Variants in XKR4 observed in about 807,000 individuals in gnomAD.
The protein encoded by XKR4 is XK related 4.
Under a neutral mutation model 53.9 loss-of-function variants are expected in XKR4, and 12 were observed. The observed-to-expected ratio is 0.22, with a 90% confidence interval of 0.14 to 0.36. The LOEUF is 0.36. Among genes scored for constraint, XKR4 ranks in the 10% least tolerant of loss-of-function variants. XKR4 has a pLI of 1.00. For synonymous variants in XKR4, 354 were observed against 362.4 expected (o/e 0.98, Z 0.26); for missense variants, 799 against 859.5 (o/e 0.93, Z 0.88).
At chr8:55,364,381 G>T (rs910903116) in intron 2 of XKR4, among the ~76,000 whole-genome samples, 2 of 152,156 alleles carry the variant, frequency 1.3e-5, no homozygotes, top group Non-Finnish European at 1.5e-5. Flanking sequence ...AGACTCCTAC[G>T]GGATGAGCCC....
chr8:55,387,772 G>T lies in XKR4; in HGVS notation c.1006+29895G>T, dbSNP rs116557441. Among the ~76,000 whole-genome samples, 264 of 152,304 alleles carry T rather than the reference G, an allele frequency of 1.7e-3. 2 individuals are homozygous for T. The highest frequency in any genetic ancestry group is 6.2e-3 in the African/African-American group (257 of 41,576). On this transcript the variant is annotated intron_variant, in intron 2 of 2. Coordinates refer to ENST00000327381, the MANE Select transcript of XKR4 (RefSeq NM_052898.2). ...ACCCACATGCAACCCAAAACTGGGA[G>T]TAATGAGACAGGCCAATAGCCTGTC...
At chr8:55,220,889 A>G (rs1224636943) in intron 1 of XKR4, among the ~76,000 whole-genome samples, 1 of 152,248 alleles carries the variant, frequency 6.6e-6, no homozygotes, top group Non-Finnish European at 1.5e-5. Flanking sequence ...GATTAAATCT[A>G]AAGTACTTAA....
At chr8:55,116,462 G>T (rs1385847458) in intron 1 of XKR4, among the ~76,000 whole-genome samples, 2 of 152,158 alleles carry the variant, frequency 1.3e-5, no homozygotes, top group African/African-American at 4.8e-5. Flanking sequence ...AAATAGGATG[G>T]CTCAGTTTGA....
At chr8:55,205,807 G>A (rs555428948) in intron 1 of XKR4, among the ~76,000 whole-genome samples, 65 of 152,256 alleles carry the variant, frequency 4.3e-4, no homozygotes, top group Admixed American at 1.2e-3. Context: ...GGTTCCCTCC[G>A]GTGGGTTCTT....
At position 55,499,130 on chromosome 8, in the gene XKR4, G is replaced by A. The variant is rs1008017472; in HGVS notation, c.1007-24151G>A. Among the ~76,000 whole-genome samples the A allele has an allele frequency of 6.6e-5, 10 of 152,230 alleles. No homozygotes were observed. The East Asian group carries it at 1.2e-3, about 18-fold the overall frequency. On this transcript the variant is annotated intron_variant, in intron 2 of 2. Transcript: ENST00000327381. ...ATCTTCAGAATCCAGAAAGAATGTCGACTGACTTCTAGATAGTAATCTTAT... is the reference window on the plus strand; with the variant it reads ...ATCTTCAGAATCCAGAAAGAATGTCAACTGACTTCTAGATAGTAATCTTAT...
At chr8:55,343,313 C>A (rs886948127) in intron 1 of XKR4, among the ~76,000 whole-genome samples, 2 of 152,158 alleles carry the variant, frequency 1.3e-5, no homozygotes, top group Non-Finnish European at 2.9e-5. Flanking sequence ...ATGGTGAAAG[C>A]TTTTCGCCCT....
At chr8:55,326,302 A>G (rs933827325) in intron 1 of XKR4, among the ~76,000 whole-genome samples, 1 of 152,182 alleles carries the variant, frequency 6.6e-6, no homozygotes, top group African/African-American at 2.4e-5. Context: ...AGTGCTTGAC[A>G]TAAATTCTAG....
At chr8:55,247,826 A>T (rs968564803) in intron 1 of XKR4, among the ~76,000 whole-genome samples, 4 of 97,070 alleles carry the variant, frequency 4.1e-5, no homozygotes, top group Non-Finnish European at 1.1e-4. Flanking sequence ...TATTAATTTT[A>T]ATTTTTCTTT....
At chr8:55,250,585 C>T (rs1340795586) in intron 1 of XKR4, among the ~76,000 whole-genome samples, 2 of 152,134 alleles carry the variant, frequency 1.3e-5, no homozygotes, top group Non-Finnish European at 2.9e-5. Flanking sequence ...TTCAGCTCAT[C>T]CTGTACATCC....
intron 1 of XKR4, among the ~76,000 whole-genome samples, chr8:55,242,018 T>A (rs1278695679): frequency 6.6e-6 from 1 of 152,220 alleles, no homozygotes; most frequent in Non-Finnish European, 1.5e-5. Context: ...TCTTGAAATG[T>A]AAATAATTTT....
At chr8:55,205,112 T>C (rs116119394) in intron 1 of XKR4, among the ~76,000 whole-genome samples, 1,730 of 152,318 alleles carry the variant, frequency 0.011, 22 homozygotes, top group Middle Eastern at 0.051. Context: ...AAACACCCAT[T>C]TGATTTTGTG....
intron 2 of XKR4, among the ~76,000 whole-genome samples, chr8:55,424,895 T>C (rs962533161): frequency 3.9e-5 from 6 of 152,230 alleles, no homozygotes; most frequent in Non-Finnish European, 8.8e-5. Context: ...CATTTTCCCC[T>C]TGGCCTCTGG....
At chr8:55,129,748 A>C (rs1026288596) in intron 1 of XKR4, among the ~76,000 whole-genome samples, 1 of 152,096 alleles carries the variant, frequency 6.6e-6, no homozygotes, top group East Asian at 1.9e-4. Flanking sequence ...AACATGTTTG[A>C]ATATAGTTGA....
At chr8:55,472,651 G>A (rs1157895144) in intron 2 of XKR4, among the ~76,000 whole-genome samples, 1 of 152,036 alleles carries the variant, frequency 6.6e-6, no homozygotes, top group East Asian at 1.9e-4. Context: ...TAGACAAGGT[G>A]ATGCGCACTG....
At chr8:55,196,149 C>T (rs1013481988) in intron 1 of XKR4, among the ~76,000 whole-genome samples, 1 of 150,836 alleles carries the variant, frequency 6.6e-6, no homozygotes, top group Non-Finnish European at 1.5e-5. Context: ...GCAAATCCCA[C>T]AGGAACATGT....
intron 1 of XKR4, among the ~76,000 whole-genome samples, chr8:55,169,499 C>G (rs1391859040): frequency 2.0e-5 from 3 of 152,198 alleles, no homozygotes; most frequent in Non-Finnish European, 4.4e-5. Flanking sequence ...GTTTTTACCT[C>G]TCACTTCCAA....
chr8:55,517,236 T>C (rs1806726071), intron 2 of XKR4: 3 of 152,074 alleles, frequency 2.0e-5, no homozygotes, highest in Non-Finnish European at 2.9e-5. Context: ...CAATACAACA[T>C]AGGCATGCAA....
intron 2 of XKR4, among the ~76,000 whole-genome samples, chr8:55,441,212 C>T (rs1462655526): frequency 6.6e-6 from 1 of 151,754 alleles, no homozygotes; most frequent in Non-Finnish European, 1.5e-5. Flanking sequence ...TGCACTACAG[C>T]CTGGGTGACA....
chr8:55,320,838 CAGAAGGCTTCTGTCGT>C (rs1391911266), intron 1 of XKR4, among the ~76,000 whole-genome samples: 1 of 152,104 alleles, frequency 6.6e-6, no homozygotes, highest in Non-Finnish European at 1.5e-5. Flanking sequence ...GAAACTACGA[CAGAAGGCTTCTGTCGT>C]AGTTTTTTAT....
Sources: allele counts gnomAD v4.1 joint callset (sites outside exome capture counted in the v4.1 genomes callset), GRCh38; gene constraint gnomAD v4.1.1; transcripts MANE v1.5; gene names NCBI Gene and HGNC (gene_info 2026-07-23, HGNC 2026-07-21).